The following CFAP299 variants were observed in gnomAD, a reference collection of about 807,000 sequenced individuals.
The protein encoded by CFAP299 is cilia- and flagella-associated protein 299.
CFAP299 carries 21 observed loss-of-function variants against 27.0 expected under a neutral mutation model. The ratio of observed to expected loss-of-function variants is 0.78; its 90% CI spans 0.55 to 1.12. CFAP299 has a LOEUF of 1.12. Among genes scored for constraint, CFAP299 ranks in the 50% most tolerant of loss-of-function variants. The probability of loss-of-function intolerance (pLI) is 0.00; values close to 1 mark genes in which losing one functional copy is unlikely to be tolerated. For missense variants in CFAP299, 310 were observed against 276.6 expected (o/e 1.12, Z -0.86); for synonymous variants, 104 against 98.1 (o/e 1.06, Z -0.36).
chr4:80,521,483 AATCT>A (rs1467015879), intron 2 of CFAP299, among the ~76,000 whole-genome samples: 1 of 152,156 alleles, frequency 6.6e-6, no homozygotes, highest in Non-Finnish European at 1.5e-5. Flanking sequence ...ACATACATGA[AATCT>A]ATCTGCTTAA....
intron 3 of CFAP299, among the ~76,000 whole-genome samples, chr4:80,693,710 A>G (rs1167346604): frequency 6.6e-6 from 1 of 151,974 alleles, no homozygotes; most frequent in Non-Finnish European, 1.5e-5. Context: ...AAAAAAAAAA[A>G]AGAAAGAACT....
chr4:80,914,568 T>C (rs535752644), intron 4 of CFAP299, among the ~76,000 whole-genome samples: 1 of 152,318 alleles, frequency 6.6e-6, no homozygotes, highest in African/African-American at 2.4e-5. Flanking sequence ...CGCCTCCCCA[T>C]ATTGAGAACC....
At chr4:80,927,475 TA>T (rs1337689642) in intron 4 of CFAP299, among the ~76,000 whole-genome samples, 1 of 152,072 alleles carries the variant, frequency 6.6e-6, no homozygotes, top group African/African-American at 2.4e-5. Flanking sequence ...TTTAGTGGCT[TA>T]AAATGACACT....
At chr4:80,918,027 A>G (rs533892648) in intron 4 of CFAP299, among the ~76,000 whole-genome samples, 1 of 152,170 alleles carries the variant, frequency 6.6e-6, no homozygotes, top group South Asian at 2.1e-4. Flanking sequence ...TTCTTGTTCA[A>G]CTCAGTGCTA....
chr4:80,690,746 A>G, intron 3 of CFAP299, among the ~76,000 whole-genome samples: 1 of 152,100 alleles, frequency 6.6e-6, no homozygotes. Context: ...AAAATTAATG[A>G]ATCCAGGAGC....
At chr4:80,324,300 G>T in the CFAP299 span, among the ~76,000 whole-genome samples, 1 of 152,142 alleles carries the variant, frequency 6.6e-6, no homozygotes, top group African/African-American at 2.4e-5. Flanking sequence ...ATGAAAGAAC[G>T]TGGGAGTATA....
intron 3 of CFAP299, among the ~76,000 whole-genome samples, chr4:80,864,744 A>G (rs1560453119): frequency 6.6e-6 from 1 of 151,928 alleles, no homozygotes. Flanking sequence ...TAAAACTCTT[A>G]ACATGCTACA....
intron 1 of CFAP299, among the ~76,000 whole-genome samples, chr4:80,340,744 G>A (rs2109968162): frequency 6.6e-6 from 1 of 152,204 alleles, no homozygotes; most frequent in Non-Finnish European, 1.5e-5. Flanking sequence ...CACAGCTGCT[G>A]TTCCAGAATG....
At chr4:80,447,538 T>G (rs1165123272) in intron 2 of CFAP299, among the ~76,000 whole-genome samples, 1 of 152,050 alleles carries the variant, frequency 6.6e-6, no homozygotes, top group East Asian at 1.9e-4. Flanking sequence ...ATTCAAGCGG[T>G]TCTCCTGCCT....
upstream of CFAP299, among the ~76,000 whole-genome samples, chr4:80,334,322 C>A (rs1332037336): frequency 6.6e-6 from 1 of 152,048 alleles, no homozygotes; most frequent in Non-Finnish European, 1.5e-5. Flanking sequence ...TTTAATAAAC[C>A]CAAACATTCT....
the CFAP299 span, among the ~76,000 whole-genome samples, chr4:80,326,103 C>T: frequency 6.6e-6 from 1 of 152,128 alleles, no homozygotes; most frequent in Non-Finnish European, 1.5e-5. Flanking sequence ...GATATTAGAT[C>T]CTGGAAGGTA....
At chr4:80,658,310 G>A (rs1212261685) in intron 3 of CFAP299, among the ~76,000 whole-genome samples, 3 of 152,034 alleles carry the variant, frequency 2.0e-5, no homozygotes, top group Admixed American at 2.0e-4. Flanking sequence ...GTCTTGTGCT[G>A]TTTTTCAAAG....
chr4:80,523,349 T>C lies in CFAP299; in HGVS notation c.243-59744T>C, dbSNP rs371049225. Among the ~76,000 whole-genome samples, 142 of 152,296 alleles carry C rather than the reference T, an allele frequency of 9.3e-4. No homozygotes were observed. In the South Asian group the frequency reaches 0.019, roughly 20 times the overall value. Reference sequence around the variant, plus strand: ...TGCTGATTTTGTATCCTGAAAACCATGGACGGTATTGTAAATTGATCATAA... The same window carrying C: ...TGCTGATTTTGTATCCTGAAAACCACGGACGGTATTGTAAATTGATCATAA... On this transcript the variant is annotated intron_variant, in intron 2 of 5. Coordinates refer to ENST00000358105, the MANE Select transcript of CFAP299 (RefSeq NM_152770.3).
chr4:80,697,510 A>G (rs1372644840), intron 3 of CFAP299, among the ~76,000 whole-genome samples: 2 of 152,216 alleles, frequency 1.3e-5, no homozygotes, highest in East Asian at 3.9e-4. Context: ...CAAAGCAACA[A>G]TAGCAAAAGA....
intron 3 of CFAP299, among the ~76,000 whole-genome samples, chr4:80,597,460 T>C (rs1219122718): frequency 1.3e-5 from 2 of 152,172 alleles, no homozygotes; most frequent in Non-Finnish European, 2.9e-5. Flanking sequence ...GATAAACATA[T>C]GTGCTGTGAA....
rs141119233 is a variant in CFAP299, at chr4:80,917,549, G to A, written c.477-27261G>A. Among the ~76,000 whole-genome samples, 696 of 152,202 alleles carry A rather than the reference G, an allele frequency of 4.6e-3. 2 individuals carry two copies. Among genetic ancestry groups the A allele is most frequent in the African/African-American group, 0.015 (642 of 41,552 alleles). The stretch of plus-strand genomic sequence containing the variant: ...AAGCCTCACATAAAATGTTGTGTTT[G>A]AGGGAACTCCAGTCCATATTCTTTA... On this transcript the variant is annotated intron_variant, in intron 4 of 5. Coordinates refer to ENST00000358105, the MANE Select transcript of CFAP299 (RefSeq NM_152770.3).
intron 2 of CFAP299, chr4:80,386,673 G>A: frequency 6.3e-7 from 1 of 1,582,958 alleles, no homozygotes; most frequent in Non-Finnish European, 8.6e-7. Flanking sequence ...TCGGCGAGGT[G>A]GGCACGGCGG....
At chr4:80,574,174 T>G (rs546379101) in intron 2 of CFAP299, among the ~76,000 whole-genome samples, 103 of 152,204 alleles carry the variant, frequency 6.8e-4, no homozygotes, top group African/African-American at 2.2e-3. Flanking sequence ...GATCCTTCAT[T>G]TATTTGGTTA....
chr4:80,341,581 C>A (rs1722457212), intron 1 of CFAP299, among the ~76,000 whole-genome samples: 1 of 152,142 alleles, frequency 6.6e-6, no homozygotes, highest in Non-Finnish European at 1.5e-5. Context: ...CCCCAACAAG[C>A]AGCCCTATGG....
Sources: allele counts gnomAD v4.1 joint callset (sites outside exome capture counted in the v4.1 genomes callset), GRCh38; gene constraint gnomAD v4.1.1; transcripts MANE v1.5; gene names NCBI Gene and HGNC (gene_info 2026-07-23, HGNC 2026-07-21).